RGS18: variants seen among roughly 807,000 people sequenced by gnomAD.
RGS18 encodes regulator of G-protein signaling 18.
A neutral mutation model predicts 27.6 loss-of-function variants in RGS18; 22 were observed. The observed-to-expected ratio is 0.80, with a 90% confidence interval of 0.57 to 1.14. RGS18 has a LOEUF of 1.14. Ranked by LOEUF, RGS18 falls within the 50% of genes most tolerant of loss-of-function variation. The pLI, the probability that RGS18 is intolerant of heterozygous loss-of-function variation, is 0.00. For synonymous variants in RGS18, 89 were observed against 84.6 expected, an observed-to-expected ratio of 1.05 and a Z score of -0.29; for missense variants, 299 against 269.6, an observed-to-expected ratio of 1.11 and a Z score of -0.76.
At chr1:192,177,320 G>T (rs1207737322) in intron 3 of RGS18, among the ~76,000 whole-genome samples, 1 of 150,030 alleles carries the variant, frequency 6.7e-6, no homozygotes, top group Non-Finnish European at 1.5e-5. Context: ...TTGTAAATAT[G>T]ATAGGTCTGA....
Position 192,185,727 on chromosome 1 carries a change from T to C in RGS18, c.*1173T>C, listed in dbSNP as rs973979254. On this transcript the variant is annotated 3_prime_UTR_variant, in exon 5 of 5. Transcript: ENST00000367460. Reference sequence around the variant, plus strand: ...ATTTAATGTTAGTTGAAATGTAAAATGTGAAAACTTTAGATCATTTGTAGT... The same window carrying C: ...ATTTAATGTTAGTTGAAATGTAAAACGTGAAAACTTTAGATCATTTGTAGT... 2.0e-5 allele frequency: 3 copies of C among 151,608 alleles called. No individual in the cohort carries two copies. The highest frequency in any genetic ancestry group is 1.3e-4 in the Admixed American group (2 of 15,192). 9.4% of individuals were successfully genotyped at this position (151,608 alleles called of 1,614,324 possible).
At chr1:192,169,512 G>A (rs1425902177) in intron 3 of RGS18, 1 of 152,108 alleles carries the variant, frequency 6.6e-6, no homozygotes, top group Non-Finnish European at 1.5e-5. Context: ...AACAAGGAAG[G>A]ACAAGATAAA....
chr1:192,184,854 T>C lies in RGS18; in HGVS notation c.*300T>C, dbSNP rs2102162992. The C allele has an allele frequency of 4.0e-6, 1 of 251,322 alleles. No individual in the cohort carries two copies. The highest frequency in any genetic ancestry group is 7.6e-6 in the Non-Finnish European group (1 of 130,876). 15.6% of individuals were successfully genotyped at this position (251,322 alleles called of 1,614,324 possible). The stretch of plus-strand genomic sequence containing the variant: ...ATAAGATTGTAGAGTTAAGTAAAAG[T>C]TAAGCTTTTGCAAAGTTGTCAAAAG... On this transcript the variant is annotated 3_prime_UTR_variant, in exon 5 of 5. Coordinates refer to ENST00000367460, the MANE Select transcript of RGS18 (RefSeq NM_130782.3).
intron 3 of RGS18, among the ~76,000 whole-genome samples, chr1:192,161,120 G>A (rs1247938446): frequency 6.6e-6 from 1 of 152,222 alleles, no homozygotes; most frequent in East Asian, 1.9e-4. Context: ...AAAGTGCTGG[G>A]ATTACAGGCG....
At chr1:192,182,668 G>A (rs1270557682) in intron 4 of RGS18, among the ~76,000 whole-genome samples, 1 of 151,596 alleles carries the variant, frequency 6.6e-6, no homozygotes, top group East Asian at 2.0e-4. Flanking sequence ...TACAATTAGA[G>A]TCACTTTTCA....
At chr1:192,176,587 A>T (rs574479025) in intron 3 of RGS18, among the ~76,000 whole-genome samples, 1 of 151,712 alleles carries the variant, frequency 6.6e-6, no homozygotes, top group South Asian at 2.1e-4. Context: ...TCTTCTTAAT[A>T]GTTTAGTAGT....
At chr1:192,181,486 A>T (rs748035052) in intron 4 of RGS18, 28 bp downstream of exon 4, 1 of 1,439,722 alleles carries the variant, frequency 6.9e-7, no homozygotes, top group South Asian at 1.5e-5. Context: ...GTAAAAATGC[A>T]TAATTGCTTT....
chr1:192,172,864 C>CATATATATATATATATATATATAT (rs549568195), intron 3 of RGS18, among the ~76,000 whole-genome samples: 6 of 135,538 alleles, frequency 4.4e-5, no homozygotes, highest in African/African-American at 1.6e-4. Context: ...GAAAAATATG[C>CATATATATATATATATATATATAT]ATATATATAT....
chr1:192,165,600 T>A (rs1449755144), intron 3 of RGS18, among the ~76,000 whole-genome samples: 1 of 152,178 alleles, frequency 6.6e-6, no homozygotes, highest in African/African-American at 2.4e-5. Context: ...TCCCTTTATT[T>A]CTCAGACTGG....
At chr1:192,182,440 A>G (rs549476406) in intron 4 of RGS18, among the ~76,000 whole-genome samples, 1 of 151,656 alleles carries the variant, frequency 6.6e-6, no homozygotes, top group East Asian at 1.9e-4. Context: ...CCTGATGGGT[A>G]ATGATGTTGA....
chr1:192,177,641 G>A (rs1245410445), intron 3 of RGS18, among the ~76,000 whole-genome samples: 1 of 151,706 alleles, frequency 6.6e-6, no homozygotes, highest in East Asian at 1.9e-4. Flanking sequence ...TTAGAGATTG[G>A]TGAAGTCTTT....
In RGS18 at chr1:192,185,169, A is replaced by G. The variant is rs929421744; in HGVS notation, c.*615A>G. On this transcript the variant is annotated 3_prime_UTR_variant, in exon 5 of 5. Transcript: ENST00000367460. ...TTCATCTCTACAGAACTTCAGATTA[A>G]ATATAATCTAGATTAATGACTGAGA... 6.6e-6 allele frequency: 1 copy of G among 151,918 alleles called. No individual in the cohort carries two copies. Among genetic ancestry groups the G allele is most frequent in the African/African-American group, 2.4e-5 (1 of 41,370 alleles). The allele number at this position is 151,918 out of a possible 1,614,324, so 9.4% of individuals were successfully genotyped here. A position where few individuals can be genotyped will look rare whatever the true frequency, so the allele number is the denominator to read the frequency against.
At chr1:192,175,278 C>T (rs529986413) in intron 3 of RGS18, among the ~76,000 whole-genome samples, 1 of 151,118 alleles carries the variant, frequency 6.6e-6, no homozygotes, top group African/African-American at 2.4e-5. Context: ...ATTTTATCAA[C>T]AAACAAAATA....
intron 3 of RGS18, among the ~76,000 whole-genome samples, chr1:192,161,174 T>A (rs543905533): frequency 4.4e-4 from 67 of 152,254 alleles, no homozygotes; most frequent in Non-Finnish European, 8.2e-4. Flanking sequence ...TTAAAAAAAA[T>A]TTATAAATTC....
chr1:192,160,140 C>G (rs1656044863), intron 2 of RGS18, among the ~76,000 whole-genome samples: 1 of 151,852 alleles, frequency 6.6e-6, no homozygotes, highest in Non-Finnish European at 1.5e-5. Context: ...ATAAAACTCA[C>G]ATATCCATGA....
In RGS18 at chr1:192,181,362, C is replaced by A; in HGVS notation, c.354C>A (p.Ala118=). The A allele has an allele frequency of 6.3e-7, 1 of 1,589,764 alleles. No homozygotes were observed. The highest frequency in any genetic ancestry group is 1.2e-5 in the South Asian group (1 of 86,326). The change falls in exon 4 of 5, where the codon GCC becomes GCA. Residue 118 remains alanine, a synonymous_variant. Coordinates refer to ENST00000367460, the MANE Select transcript of RGS18 (RefSeq NM_130782.3). ...FSEENIEFWI[A]CEDFKKSKGP... ...AAGAAAATATTGAATTTTGGATAGC[C>A]TGTGAAGATTTCAAGAAAAGCAAGG...
chr1:192,173,860 C>G (rs1557937257), intron 3 of RGS18, among the ~76,000 whole-genome samples: 1 of 151,650 alleles, frequency 6.6e-6, no homozygotes, highest in Admixed American at 6.6e-5. Flanking sequence ...CCAACTTTGG[C>G]TTTGTTAATC....
intron 3 of RGS18, among the ~76,000 whole-genome samples, chr1:192,179,368 A>G (rs1024780749): frequency 2.0e-5 from 3 of 151,618 alleles, no homozygotes; most frequent in Non-Finnish European, 4.4e-5. Flanking sequence ...GTTTATCTGA[A>G]AAATCCATTA....
At chr1:192,165,837 T>G (rs1656154811) in intron 3 of RGS18, among the ~76,000 whole-genome samples, 1 of 152,208 alleles carries the variant, frequency 6.6e-6, no homozygotes, top group South Asian at 2.1e-4. Flanking sequence ...CTATTTTTTC[T>G]GCTATTTCTA....
Sources: allele counts gnomAD v4.1 joint callset (sites outside exome capture counted in the v4.1 genomes callset), GRCh38; gene constraint gnomAD v4.1.1; transcripts MANE v1.5; gene names NCBI Gene and HGNC (gene_info 2026-07-23, HGNC 2026-07-21).